The following MAGI2 variants were observed in gnomAD, a reference collection of about 807,000 sequenced individuals.
The protein encoded by MAGI2 is membrane-associated guanylate kinase, WW and PDZ domain-containing protein 2.
A neutral mutation model predicts 133.3 loss-of-function variants in MAGI2; 35 were observed. The ratio of observed to expected loss-of-function variants is 0.26; its 90% CI spans 0.20 to 0.35. The LOEUF (loss-of-function observed/expected upper bound fraction) is 0.35, where lower values mean the gene tolerates loss of function less well. MAGI2 is among the 10% of genes least tolerant of loss of function. The pLI is 1.00. For missense variants in MAGI2, 1,636 were observed against 1,863.4 expected (o/e 0.88, Z 2.25); for synonymous variants, 729 against 710.6 (o/e 1.03, Z -0.41).
At chr7:79,186,176 C>A (rs116718307) in intron 1 of MAGI2, among the ~76,000 whole-genome samples, 5,769 of 136,558 alleles carry the variant, frequency 0.042, 515 homozygotes, top group African/African-American at 0.15. Context: ...GAGGCCAGCC[C>A]TATTTGCCTG....
chr7:78,037,199 G>A (rs1047404387), intron 21 of MAGI2, among the ~76,000 whole-genome samples: 1 of 152,040 alleles, frequency 6.6e-6, no homozygotes, highest in Admixed American at 6.6e-5. Flanking sequence ...GCGCAATTGG[G>A]GTCACAGGCC....
intron 2 of MAGI2, among the ~76,000 whole-genome samples, chr7:78,748,773 G>T (rs1823174404): frequency 6.6e-6 from 1 of 151,940 alleles, no homozygotes; most frequent in Non-Finnish European, 1.5e-5. Context: ...TTTCTTATTG[G>T]ATATTTTCAC....
At chr7:79,045,696 G>C (rs1812113393) in intron 1 of MAGI2, among the ~76,000 whole-genome samples, 1 of 152,178 alleles carries the variant, frequency 6.6e-6, no homozygotes, top group Non-Finnish European at 1.5e-5. Context: ...GGAGGCTGAG[G>C]CAGGAGAATG....
At chr7:78,091,925 A>G (rs559150031) in intron 20 of MAGI2, among the ~76,000 whole-genome samples, 1 of 152,350 alleles carries the variant, frequency 6.6e-6, no homozygotes, top group East Asian at 1.9e-4. Context: ...AGTAGGATGA[A>G]AAAGAAAGTC....
intron 2 of MAGI2, among the ~76,000 whole-genome samples, chr7:78,938,597 C>T (rs977733370): frequency 2.0e-5 from 3 of 152,002 alleles, no homozygotes; most frequent in African/African-American, 7.2e-5. Flanking sequence ...GAAGTCTAGA[C>T]CAAGCTATTA....
chr7:79,133,694 A>G (rs939208652), intron 1 of MAGI2, among the ~76,000 whole-genome samples: 1 of 152,290 alleles, frequency 6.6e-6, no homozygotes, highest in Non-Finnish European at 1.5e-5. Context: ...TAATACCAAA[A>G]ATAAAGATAA....
At position 79,363,176 on chromosome 7, in the gene MAGI2, A is replaced by G. The variant is rs183956537; in HGVS notation, c.301+89844T>C. Among the ~76,000 whole-genome samples the G allele has an allele frequency of 2.3e-4, 35 of 151,514 alleles. No individual in the cohort carries two copies. The East Asian group carries it at 6.0e-3, about 26-fold the overall frequency. Reference sequence around the variant, plus strand: ...ACAATAAACACTGAAACTAAAATTTAAAACAGTACAATTTTCAATCACTTC... The same window carrying G: ...ACAATAAACACTGAAACTAAAATTTGAAACAGTACAATTTTCAATCACTTC... On this transcript the variant is annotated intron_variant, in intron 1 of 21. Transcript: ENST00000354212.
At chr7:79,440,044 C>A (rs1031070455) in intron 1 of MAGI2, among the ~76,000 whole-genome samples, 1 of 152,084 alleles carries the variant, frequency 6.6e-6, no homozygotes, top group Non-Finnish European at 1.5e-5. Context: ...TCTTTCTAAC[C>A]ATTTCTACTC....
At chr7:78,789,053 G>T (rs1169640024) in intron 2 of MAGI2, among the ~76,000 whole-genome samples, 1 of 151,836 alleles carries the variant, frequency 6.6e-6, no homozygotes, top group Non-Finnish European at 1.5e-5. Flanking sequence ...ACCCTTTGTG[G>T]GTTTCCTTAC....
intron 6 of MAGI2, among the ~76,000 whole-genome samples, chr7:78,392,636 ATTTTT>A (rs1795997343): frequency 6.6e-6 from 1 of 152,000 alleles, no homozygotes; most frequent in African/African-American, 2.4e-5. Context: ...TTGTATTCTT[ATTTTT>A]TTATTTTTTG....
rs1050838566 is a variant in MAGI2 at position 78,527,174 on chromosome 7, G to C, written c.539-5529C>G. Among the ~76,000 whole-genome samples the C allele has an allele frequency of 3.9e-5, 6 of 152,132 alleles. No individual in the cohort carries two copies. In the East Asian group the frequency reaches 1.2e-3, roughly 29 times the overall value. ...AGTCACACAATTTATTGCAAAGGGA[G>C]AGAGACTAATTATGAGCTAAACCTG... is the stretch of plus-strand genomic sequence containing the variant. On this transcript the variant is annotated intron_variant, in intron 3 of 21. Coordinates refer to ENST00000354212, the MANE Select transcript of MAGI2 (RefSeq NM_012301.4).
intron 1 of MAGI2, among the ~76,000 whole-genome samples, chr7:79,067,551 C>G (rs778075194): frequency 1.3e-5 from 2 of 152,186 alleles, no homozygotes; most frequent in Non-Finnish European, 2.9e-5. Context: ...CAACTGCAAA[C>G]AGAGACAATT....
intron 10 of MAGI2, among the ~76,000 whole-genome samples, chr7:78,216,496 G>A (rs530263002): frequency 6.6e-5 from 10 of 152,312 alleles, no homozygotes; most frequent in South Asian, 6.2e-4. Flanking sequence ...TTCCCCATCC[G>A]TTTTTCTAGC....
chr7:78,181,814 A>G (rs1827213885), intron 13 of MAGI2, among the ~76,000 whole-genome samples: 1 of 152,258 alleles, frequency 6.6e-6, no homozygotes, highest in African/African-American at 2.4e-5. Flanking sequence ...AATAAAGAAA[A>G]GCAGATTTCA....
intron 9 of MAGI2, among the ~76,000 whole-genome samples, chr7:78,338,228 G>A (rs1271033190): frequency 6.6e-6 from 1 of 152,080 alleles, no homozygotes; most frequent in Non-Finnish European, 1.5e-5. Flanking sequence ...CCACACTGAA[G>A]GTGAAACATT....
chr7:78,895,204 G>T (rs546296438), intron 2 of MAGI2, among the ~76,000 whole-genome samples: 156 of 152,210 alleles, frequency 1.0e-3, no homozygotes, highest in African/African-American at 3.0e-3. Context: ...CTCTCTCTTG[G>T]TGCTCTCTTG....
intron 10 of MAGI2, among the ~76,000 whole-genome samples, chr7:78,219,299 G>A (rs1186696458): frequency 2.0e-5 from 3 of 152,064 alleles, no homozygotes; most frequent in Non-Finnish European, 4.4e-5. Context: ...CTCTCTCAAC[G>A]ATTCCCTCAC....
intron 1 of MAGI2, among the ~76,000 whole-genome samples, chr7:79,286,324 AGT>A (rs1835996462): frequency 6.6e-6 from 1 of 152,082 alleles, no homozygotes; most frequent in African/African-American, 2.4e-5. Context: ...TGAGTTGGAT[AGT>A]ATCCCCATTT....
intron 6 of MAGI2, among the ~76,000 whole-genome samples, chr7:78,374,722 T>C (rs1794270984): frequency 1.3e-5 from 2 of 152,172 alleles, no homozygotes; most frequent in East Asian, 3.9e-4. Flanking sequence ...GGTATCATGG[T>C]CACACTATAT....
Sources: gnomAD v4.1 joint callset for allele counts (sites outside exome capture counted in the v4.1 genomes callset) on GRCh38, gnomAD v4.1.1 for gene constraint, MANE v1.5 for transcripts, NCBI Gene and HGNC (gene_info 2026-07-23, HGNC 2026-07-21) for gene names.